NLRP5: variants seen among roughly 807,000 people sequenced by gnomAD.
NLRP5 encodes NACHT, LRR and PYD domains-containing protein 5.
NLRP5 carries 93 observed loss-of-function variants against 113.1 expected under a neutral mutation model. The observed-to-expected ratio is 0.82, with a 90% CI of 0.70 to 0.98. The LOEUF (loss-of-function observed/expected upper bound fraction) is 0.98. NLRP5 is among the 50% of genes least tolerant of loss of function. The pLI is 0.00. For missense variants in NLRP5, 1,808 were observed against 1,514.3 expected (o/e 1.19, Z -3.22); for synonymous variants, 751 against 600.7 (o/e 1.25, Z -3.66).
At chr19:56,051,204 GTTTA>G (rs900815931) in intron 12 of NLRP5, among the ~76,000 whole-genome samples, 6 of 149,212 alleles carry the variant, frequency 4.0e-5, no homozygotes, top group East Asian at 3.9e-4. Context: ...TTGTTTGTTT[GTTTA>G]TTTATTTTGA....
chr19:56,013,383 G>C (rs907830503), intron 3 of NLRP5, among the ~76,000 whole-genome samples: 1 of 151,708 alleles, frequency 6.6e-6, no homozygotes, highest in African/African-American at 2.4e-5. Flanking sequence ...CAGTAGAGAC[G>C]GGGTTTCACA....
chr19:55,997,269 G>T (rs1370629470), upstream of NLRP5, among the ~76,000 whole-genome samples: 1 of 152,026 alleles, frequency 6.6e-6, no homozygotes, highest in Non-Finnish European at 1.5e-5. Flanking sequence ...CCTTCAGTCT[G>T]CTGATGAACC....
In NLRP5 at chr19:56,013,625, T is replaced by C. The variant is rs190305898; in HGVS notation, c.509-2117T>C. 2.1e-5 allele frequency among the ~76,000 whole-genome samples: 3 copies of C among 141,650 alleles called. No individual in the cohort carries two copies. In the East Asian group the frequency reaches 6.1e-4, roughly 29 times the overall value. The allele number at this position is 141,650 out of a possible 152,430, so 92.9% of individuals were successfully genotyped here. On this transcript the variant is annotated intron_variant, in intron 3 of 14. Transcript: ENST00000390649. ...TTTTTTTTTTTTTTTTTTGCTATTA[T>C]GAACGATGCAGCTATGGATTCCCAC... is the stretch of plus-strand genomic sequence containing the variant.
chr19:56,027,710 C>T lies in NLRP5; in HGVS notation c.1477C>T (p.Pro493Ser). The change falls in exon 7 of 15, where the codon CCC becomes TCC. Residue 493 changes from proline to serine, a missense_variant. Pro to Ser is a moderately conservative substitution (Grantham distance 74). Coordinates refer to ENST00000390649, the MANE Select transcript of NLRP5 (RefSeq NM_153447.4). ...GGACGTGGTGGGGGAGAGCGTCGCCCCCTTCAACCAAACGCTCACAGGCCT... is the reference window on the plus strand; with the variant it reads ...GGACGTGGTGGGGGAGAGCGTCGCCTCCTTCAACCAAACGCTCACAGGCCT... 6.2e-7 allele frequency: 1 copy of T among 1,613,560 alleles called. No homozygotes were observed. Among genetic ancestry groups the T allele is most frequent in the Non-Finnish European group, 8.5e-7 (1 of 1,179,860 alleles).
At chr19:55,995,323 C>T (rs999301424), upstream of NLRP5, among the ~76,000 whole-genome samples, 4 of 152,028 alleles carry the variant, frequency 2.6e-5, no homozygotes, top group South Asian at 2.1e-4. Context: ...CAAACCTGCA[C>T]GTTGTGCACA....
intron 13 of NLRP5, among the ~76,000 whole-genome samples, chr19:56,057,389 C>T (rs1001239601): frequency 2.6e-5 from 3 of 113,292 alleles, no homozygotes; most frequent in African/African-American, 5.9e-5. Flanking sequence ...AAATTCTAAA[C>T]CCTTAGTATG....
the NLRP5 span, among the ~76,000 whole-genome samples, chr19:55,987,352 AGAGT>A: frequency 6.6e-6 from 1 of 151,772 alleles, no homozygotes; most frequent in African/African-American, 2.4e-5. Flanking sequence ...CGTGGGTGAC[AGAGT>A]GAGACTTCGT....
At position 56,034,281 on chromosome 19, in the gene NLRP5, G is replaced by A. The variant is rs529473501; in HGVS notation, c.2615+572G>A. 3.6e-4 allele frequency among the ~76,000 whole-genome samples: 55 copies of A among 152,336 alleles called. No individual in the cohort carries two copies. In the East Asian group the frequency reaches 9.5e-3, roughly 26 times the overall value. Reference sequence around the variant, plus strand: ...GCCACCTGTAATCCCAGCTACTCGGGAGGCTGAGTCAGGAGAATCTCTTGA... The same window carrying A: ...GCCACCTGTAATCCCAGCTACTCGGAAGGCTGAGTCAGGAGAATCTCTTGA... On this transcript the variant is annotated intron_variant, in intron 9 of 14. Coordinates refer to ENST00000390649, the MANE Select transcript of NLRP5 (RefSeq NM_153447.4).
chr19:56,006,427 T>TA (rs148833780), intron 2 of NLRP5, among the ~76,000 whole-genome samples: 17 of 151,404 alleles, frequency 1.1e-4, no homozygotes, highest in Non-Finnish European at 1.6e-4. Context: ...AGTATAATTT[T>TA]AAAAAAAAAA....
rs542264992 is a variant in NLRP5 at position 56,027,067 on chromosome 19, G to A, written c.834G>A (p.Arg278=). 1.9e-5 allele frequency: 30 copies of A among 1,556,922 alleles called. No individual in the cohort carries two copies. In the South Asian group the frequency reaches 3.2e-4, roughly 17 times the overall value. The stretch of plus-strand genomic sequence containing the variant: ...TTGATTCAGACCGGTGGGGCTTCCG[G>A]CCTCGCACGGTGGTTCTGCACGGAA... Residue 278 remains arginine, a synonymous_variant, in exon 7 of 15, where the codon CGG becomes CGA. Transcript: ENST00000390649.
intron 1 of NLRP5, among the ~76,000 whole-genome samples, chr19:56,000,617 G>A (rs1209113336): frequency 6.6e-6 from 1 of 151,866 alleles, no homozygotes; most frequent in African/African-American, 2.4e-5. Context: ...GCCCACTTTG[G>A]CCTCCCAAAG....
At chr19:56,017,225 T>C (rs10416466) in intron 4 of NLRP5, among the ~76,000 whole-genome samples, 6,441 of 152,262 alleles carry the variant, frequency 0.042, 467 homozygotes, top group African/African-American at 0.15. Context: ...GTCAATTTTG[T>C]TCTTTTCAAA....
intron 6 of NLRP5, among the ~76,000 whole-genome samples, chr19:56,021,833 A>G (rs1982627670): frequency 6.6e-6 from 1 of 152,182 alleles, no homozygotes. Flanking sequence ...GAGATATTGA[A>G]GATATAAAGC....
Position 56,003,970 on chromosome 19 carries a change from TG to T in NLRP5, c.319del (p.Glu107AsnfsTer27). The T allele has an allele frequency of 6.2e-7, 1 of 1,614,014 alleles. No homozygotes were observed. Among genetic ancestry groups the T allele is most frequent in the Non-Finnish European group, 8.5e-7 (1 of 1,179,898 alleles). On this transcript the variant is annotated frameshift_variant, in exon 2 of 15. Coordinates refer to ENST00000390649, the MANE Select transcript of NLRP5 (RefSeq NM_153447.4). LOFTEE classifies it high-confidence loss of function. Reference sequence around the variant, plus strand: ...CAGTTTGAAATCGAGAATGCCAACGTGGAATGTCTGGCACTCCTCTTGCATG... The same window carrying T: ...CAGTTTGAAATCGAGAATGCCAACGTGAATGTCTGGCACTCCTCTTGCATG...
At chr19:56,038,812 A>AT (rs1401859808) in intron 10 of NLRP5, among the ~76,000 whole-genome samples, 1 of 152,170 alleles carries the variant, frequency 6.6e-6, no homozygotes, top group Admixed American at 6.6e-5. Context: ...ACCTAAAGGG[A>AT]TATCACTTCT....
At chr19:56,014,089 A>T (rs948405365) in intron 3 of NLRP5, among the ~76,000 whole-genome samples, 1 of 152,120 alleles carries the variant, frequency 6.6e-6, no homozygotes, top group African/African-American at 2.4e-5. Flanking sequence ...GTCTTTTCAC[A>T]TTGCTGATAC....
chr19:56,032,689 G>T lies in NLRP5; in HGVS notation c.2355G>T (p.Gln785His), dbSNP rs546481690. The T allele has an allele frequency of 1.1e-5, 17 of 1,613,652 alleles. No individual in the cohort carries two copies. In the South Asian group the frequency reaches 1.1e-4, roughly 10 times the overall value. ...TTGGCACCCACCCACACCTGCGGCA[G>T]CTGGACCTGGGCAGCAGCATCCTGA... Residue 785 changes from glutamine to histidine, a missense_variant, in exon 8 of 15, where the codon CAG becomes CAT. Gln to His is a conservative substitution (Grantham distance 24). Transcript: ENST00000390649.
At chr19:56,039,651 G>A (rs113789766) in intron 10 of NLRP5, among the ~76,000 whole-genome samples, 9,191 of 152,236 alleles carry the variant, frequency 0.06, 432 homozygotes, top group African/African-American at 0.13. Context: ...GGTGGCTCAC[G>A]CCTGTAACCC....
Position 56,055,537 on chromosome 19 carries a change from C to CTTTTTTTTTT in NLRP5, c.3299+1746_3299+1755dup, listed in dbSNP as rs1160965587. Among the ~76,000 whole-genome samples, 432 of 76,394 alleles carry CTTTTTTTTTT rather than the reference C, an allele frequency of 5.7e-3. 44 individuals are homozygous for CTTTTTTTTTT. Among genetic ancestry groups the CTTTTTTTTTT allele is most frequent in the Middle Eastern group, 0.028 (2 of 72 alleles). 50.1% of individuals were successfully genotyped at this position (76,394 alleles called of 152,430 possible). The stretch of plus-strand genomic sequence containing the variant: ...CCATGTTCTATTTTTCTTTCTCTGT[C>CTTTTTTTTTT]TTTTTTTTTTTTTTTTTTTTTTTTT... On this transcript the variant is annotated intron_variant, in intron 13 of 14. Coordinates refer to ENST00000390649, the MANE Select transcript of NLRP5 (RefSeq NM_153447.4).
Sources: gnomAD v4.1 joint callset for allele counts (sites outside exome capture counted in the v4.1 genomes callset) on GRCh38, gnomAD v4.1.1 for gene constraint, MANE v1.5 for transcripts, NCBI Gene and HGNC (gene_info 2026-07-23, HGNC 2026-07-21) for gene names.